Variants in DDHD1 observed in about 807,000 individuals in gnomAD.
DDHD1 encodes the protein phospholipase DDHD1.
Under a neutral mutation model 96.4 loss-of-function variants are expected in DDHD1, and 49 were observed. The observed-to-expected ratio is 0.51, with a 90% CI of 0.40 to 0.64. The LOEUF is 0.64. Among genes scored for constraint, DDHD1 ranks in the 30% least tolerant of loss-of-function variants. DDHD1 has a pLI of 0.00. For missense variants in DDHD1, 1,106 were observed against 1,161.2 expected (o/e 0.95, Z 0.69); for synonymous variants, 442 against 446.5 (o/e 0.99, Z 0.13).
At chr14:53,126,426 G>A (rs1889443000) in intron 1 of DDHD1, among the ~76,000 whole-genome samples, 1 of 152,208 alleles carries the variant, frequency 6.6e-6, no homozygotes, top group Non-Finnish European at 1.5e-5. Context: ...GCAGTGCAGT[G>A]GAGCAATCAC....
At chr14:53,128,252 T>A (rs1252505804) in intron 1 of DDHD1, among the ~76,000 whole-genome samples, 2 of 152,218 alleles carry the variant, frequency 1.3e-5, no homozygotes, top group Non-Finnish European at 2.9e-5. Flanking sequence ...AAGAATGGAC[T>A]AATATATGGA....
At chr14:53,099,691 T>C (rs1887154026) in intron 2 of DDHD1, among the ~76,000 whole-genome samples, 1 of 152,220 alleles carries the variant, frequency 6.6e-6, no homozygotes, top group Non-Finnish European at 1.5e-5. Context: ...TTTACCAAAT[T>C]ACTTGTTGAC....
chr14:53,097,113 T>A (rs922291640), intron 2 of DDHD1, among the ~76,000 whole-genome samples: 1 of 152,156 alleles, frequency 6.6e-6, no homozygotes, highest in South Asian at 2.1e-4. Context: ...AATTACAGGA[T>A]CTTTATGATT....
At chr14:53,103,100 T>G (rs544472462) in intron 2 of DDHD1, 3 of 1,539,578 alleles carry the variant, frequency 1.9e-6, no homozygotes, top group South Asian at 2.4e-5. Context: ...CCACATATTT[T>G]GAAGTTTACT....
intron 4 of DDHD1, among the ~76,000 whole-genome samples, chr14:53,079,242 CT>C (rs1885239274): frequency 6.6e-6 from 1 of 151,928 alleles, no homozygotes; most frequent in Non-Finnish European, 1.5e-5. Flanking sequence ...ATCTTCCTTC[CT>C]CTTCCATTTT....
chr14:53,078,169 T>C (rs1885136090), intron 4 of DDHD1, among the ~76,000 whole-genome samples: 3 of 152,170 alleles, frequency 2.0e-5, no homozygotes, highest in African/African-American at 7.2e-5. Flanking sequence ...GCTCATACAC[T>C]AACTTTAACT....
chr14:53,082,841 C>T (rs942969047), intron 4 of DDHD1, among the ~76,000 whole-genome samples: 3 of 151,244 alleles, frequency 2.0e-5, no homozygotes, highest in Non-Finnish European at 4.4e-5. Flanking sequence ...AGGATCATAG[C>T]ACACCACAGT....
At chr14:53,091,665 T>G (rs1445023439) in intron 4 of DDHD1, 120 bp downstream of exon 4, 13 of 1,059,476 alleles carry the variant, frequency 1.2e-5, no homozygotes, top group African/African-American at 1.6e-5. Context: ...TAAGAGGTAT[T>G]AGAATAGTTG....
In DDHD1 at chr14:53,096,132, G is replaced by A. The variant is rs187462042; in HGVS notation, c.1013-2688C>T. ...ATTACTGTACCTTGGGAATGCTTTC[G>A]TTTAAGACCTGTCGCATCTGTACTC... On this transcript the variant is annotated intron_variant, in intron 2 of 12. Coordinates refer to ENST00000673822, the MANE Select transcript of DDHD1 (RefSeq NM_001160148.2). 145 of 984,862 alleles carry A rather than the reference G, an allele frequency of 1.5e-4. No individual in the cohort carries two copies. In the East Asian group the frequency reaches 6.1e-3, roughly 42 times the overall value. 61.0% of individuals were successfully genotyped at this position (984,862 alleles called of 1,614,324 possible).
chr14:53,121,531 C>G (rs760972952), intron 1 of DDHD1, among the ~76,000 whole-genome samples: 3 of 152,136 alleles, frequency 2.0e-5, no homozygotes, highest in Non-Finnish European at 4.4e-5. Context: ...GGAAGCAACC[C>G]AAATGCTCAT....
At chr14:53,126,255 T>C (rs1429299972) in intron 1 of DDHD1, among the ~76,000 whole-genome samples, 1 of 152,214 alleles carries the variant, frequency 6.6e-6, no homozygotes, top group African/African-American at 2.4e-5. Context: ...TCTAAAATGT[T>C]TGATTCATTA....
intron 4 of DDHD1, among the ~76,000 whole-genome samples, chr14:53,091,099 A>T (rs976518107): frequency 5.3e-5 from 8 of 152,194 alleles, no homozygotes; most frequent in Non-Finnish European, 1.2e-4. Context: ...TTCTCTTGGC[A>T]TCATCTATAA....
chr14:53,068,194 G>A (rs1884203138), intron 6 of DDHD1, among the ~76,000 whole-genome samples: 1 of 149,270 alleles, frequency 6.7e-6, no homozygotes, highest in East Asian at 2.0e-4. Flanking sequence ...TGTCTCTTTA[G>A]CATCCTTTGA....
chr14:53,037,190 C>T lies in DDHD1; in HGVS notation c.*9578G>A, dbSNP rs1212485547. The T allele has an allele frequency of 2.6e-5, 4 of 152,076 alleles. No homozygotes were observed. The highest frequency in any genetic ancestry group is 2.1e-4 in the South Asian group (1 of 4,824). 9.4% of individuals were successfully genotyped at this position (152,076 alleles called of 1,614,324 possible). On this transcript the variant is annotated 3_prime_UTR_variant, in exon 13 of 13. Coordinates refer to ENST00000673822, the MANE Select transcript of DDHD1 (RefSeq NM_001160148.2). ...CCAGTCCACTGTTGATGGGCAGCCA[C>T]GTTGATCTGTCTTTGCTACTGTGAA...
chr14:53,038,772 A>G lies in DDHD1; in HGVS notation c.*7996T>C, dbSNP rs1488118493. The G allele has an allele frequency of 6.6e-6, 1 of 152,204 alleles. No homozygotes were observed. The highest frequency in any genetic ancestry group is 1.9e-4 in the East Asian group (1 of 5,204). 9.4% of individuals were successfully genotyped at this position (152,204 alleles called of 1,614,324 possible). On this transcript the variant is annotated 3_prime_UTR_variant, in exon 13 of 13. Transcript: ENST00000673822. ...GAAAGAACAAAGCCAGCAGCATCAC[A>G]CAGATGTGGCTTCAAACTATAAGAC...
rs565324873 is a variant in DDHD1, at chr14:53,120,561, C to T, written c.839-16705G>A. On this transcript the variant is annotated intron_variant, in intron 1 of 12. Transcript: ENST00000673822. ...GACTTCAAACTATACTACAAGGCTACAGTAACCAAAACAGCATGGTACTAG... is the reference window on the plus strand; with the variant it reads ...GACTTCAAACTATACTACAAGGCTATAGTAACCAAAACAGCATGGTACTAG... Among the ~76,000 whole-genome samples, 133 of 152,272 alleles carry T rather than the reference C, an allele frequency of 8.7e-4. 3 individuals are homozygous for T. In the South Asian group the frequency reaches 0.026, roughly 30 times the overall value.
At chr14:53,053,937 T>A (rs1882823270) in intron 11 of DDHD1, 1 of 152,348 alleles carries the variant, frequency 6.6e-6, no homozygotes. Context: ...ATTTTTTCAA[T>A]ATCTGCTTTA....
intron 1 of DDHD1, among the ~76,000 whole-genome samples, chr14:53,134,860 C>CA (rs141930052): frequency 0.031 from 4,696 of 152,220 alleles, 240 homozygotes; most frequent in African/African-American, 0.1. Flanking sequence ...TCAATTCATA[C>CA]AAAACTGCAT....
chr14:53,068,785 C>CCCCACAA (rs1194489653), intron 6 of DDHD1, among the ~76,000 whole-genome samples: 59 of 152,228 alleles, frequency 3.9e-4, no homozygotes, highest in Admixed American at 2.9e-3. Flanking sequence ...AACGAATTAT[C>CCCCACAA]AGTTTGTGGG....
Sources: gnomAD v4.1 joint callset for allele counts (sites outside exome capture counted in the v4.1 genomes callset) on GRCh38, gnomAD v4.1.1 for gene constraint, MANE v1.5 for transcripts, NCBI Gene and HGNC (gene_info 2026-07-23, HGNC 2026-07-21) for gene names.